MAGI3: variants seen among roughly 807,000 people sequenced by gnomAD.
MAGI3 encodes the protein membrane-associated guanylate kinase, WW and PDZ domain-containing protein 3.
Under a neutral mutation model 121.8 loss-of-function variants are expected in MAGI3, and 43 were observed. That is an observed-to-expected ratio of 0.35 (90% CI 0.28 to 0.46). MAGI3 has a LOEUF of 0.46. Among genes scored for constraint, MAGI3 ranks in the 20% least tolerant of loss-of-function variants. The pLI, the probability that MAGI3 is intolerant of heterozygous loss-of-function variation, is 1.00. For synonymous variants in MAGI3, 553 were observed against 639.3 expected (o/e 0.86, Z 2.04); for missense variants, 1,547 against 1,797.3 (o/e 0.86, Z 2.52).
intron 1 of MAGI3, among the ~76,000 whole-genome samples, chr1:113,539,813 G>T (rs1659195336): frequency 6.8e-6 from 1 of 146,054 alleles, no homozygotes; most frequent in African/African-American, 2.5e-5. Context: ...TTTTGAGATA[G>T]GATCTCATTC....
chr1:113,500,486 A>G lies in MAGI3; in HGVS notation c.317-49029A>G. On this transcript the variant is annotated intron_variant, in intron 1 of 20. Transcript: ENST00000307546. ...CTAGAAGAAATGGATACATTCCTCG[A>G]CACATACACTCTCCCAAGACTAAAA... is the stretch of plus-strand genomic sequence containing the variant. Among the ~76,000 whole-genome samples the G allele has an allele frequency of 5.7e-5, 2 of 35,312 alleles. 1 individual carries two copies. The highest frequency in any genetic ancestry group is 9.1e-5 in the Non-Finnish European group (2 of 21,990). The allele number at this position is 35,312 out of a possible 152,430, so 23.2% of individuals were successfully genotyped here.
At chr1:113,437,661 T>G (rs1254045519) in intron 1 of MAGI3, among the ~76,000 whole-genome samples, 2 of 152,012 alleles carry the variant, frequency 1.3e-5, no homozygotes, top group Non-Finnish European at 2.9e-5. Flanking sequence ...GTCCAAAAGC[T>G]TATAGAATTA....
intron 1 of MAGI3, among the ~76,000 whole-genome samples, chr1:113,531,031 A>T (rs977806308): frequency 4.6e-5 from 7 of 152,254 alleles, no homozygotes; most frequent in Admixed American, 4.6e-4. Flanking sequence ...CTAGAGACAT[A>T]AACTGTACTC....
intron 6 of MAGI3, among the ~76,000 whole-genome samples, chr1:113,602,932 T>TA (rs902856866): frequency 4.6e-5 from 7 of 150,560 alleles, no homozygotes; most frequent in African/African-American, 1.7e-4. Flanking sequence ...TCTCAAAAAA[T>TA]AAAAAAAATC....
intron 1 of MAGI3, among the ~76,000 whole-genome samples, chr1:113,456,334 A>C (rs1334302845): frequency 6.6e-6 from 1 of 152,110 alleles, no homozygotes; most frequent in Non-Finnish European, 1.5e-5. Context: ...CATAAAAAAC[A>C]ACCTAAGTTG....
chr1:113,515,842 C>G (rs1178255530), intron 1 of MAGI3, among the ~76,000 whole-genome samples: 1 of 152,066 alleles, frequency 6.6e-6, no homozygotes, highest in Admixed American at 6.6e-5. Flanking sequence ...ATCCGTGGTA[C>G]TGATTATTGA....
In MAGI3 at chr1:113,549,500, T is replaced by C. The variant is rs895555730; in HGVS notation, c.317-15T>C. 2 of 1,415,218 alleles carry C rather than the reference T, an allele frequency of 1.4e-6. No homozygotes were observed. Among genetic ancestry groups the C allele is most frequent in the Admixed American group, 4.2e-5 (2 of 47,456 alleles). The allele number at this position is 1,415,218 out of a possible 1,614,324, so 87.7% of individuals were successfully genotyped here. A position where few individuals can be genotyped will look rare whatever the true frequency, so the allele number is the denominator to read the frequency against. On this transcript the variant is annotated splice_polypyrimidine_tract_variant and intron_variant, in intron 1 of 20. Transcript: ENST00000307546. Reference sequence around the variant, plus strand: ...TGCATTTATTTTCTGTTTTTTTTTTTTGTCTTTGCTCCAGGCAAAGTCATT... The same window carrying C: ...TGCATTTATTTTCTGTTTTTTTTTTCTGTCTTTGCTCCAGGCAAAGTCATT...
intron 1 of MAGI3, among the ~76,000 whole-genome samples, chr1:113,531,147 T>C (rs756545187): frequency 6.6e-6 from 1 of 152,204 alleles, no homozygotes; most frequent in Non-Finnish European, 1.5e-5. Flanking sequence ...CACTTTCTTT[T>C]TTTTTAAGTT....
At chr1:113,637,748 C>G (rs1023560268) in intron 9 of MAGI3, among the ~76,000 whole-genome samples, 30 of 152,278 alleles carry the variant, frequency 2.0e-4, no homozygotes, top group Admixed American at 1.4e-3. Flanking sequence ...GTGGCATTCT[C>G]TGTATTTCCT....
intron 2 of MAGI3, among the ~76,000 whole-genome samples, chr1:113,554,735 G>T (rs1194567558): frequency 1.3e-5 from 2 of 151,986 alleles, no homozygotes; most frequent in Non-Finnish European, 2.9e-5. Flanking sequence ...AATAATAAGT[G>T]CACAGATCTA....
At chr1:113,427,505 G>A (rs1474630457) in intron 1 of MAGI3, among the ~76,000 whole-genome samples, 1 of 152,196 alleles carries the variant, frequency 6.6e-6, no homozygotes, top group Non-Finnish European at 1.5e-5. Context: ...GGAGGAATGA[G>A]CCTACCTGGA....
At chr1:113,495,833 A>G (rs1467083806) in intron 1 of MAGI3, among the ~76,000 whole-genome samples, 1 of 152,218 alleles carries the variant, frequency 6.6e-6, no homozygotes, top group African/African-American at 2.4e-5. Context: ...ACTATAGAAA[A>G]TATCACAGAA....
At chr1:113,437,839 CTTCTTCTTCTTCTTCTTCTTCTTCCTCTT>C (rs1653664902) in intron 1 of MAGI3, among the ~76,000 whole-genome samples, 9 of 47,860 alleles carry the variant, frequency 1.9e-4, no homozygotes, top group African/African-American at 4.2e-4. Context: ...TCTTCTTCTT[CTTCTTCTTCTTCTTCTTCTTCTTCCTCTT>C]CTTCTTCTTC....
At chr1:113,447,178 A>T (rs1654216376) in intron 1 of MAGI3, among the ~76,000 whole-genome samples, 1 of 152,226 alleles carries the variant, frequency 6.6e-6, no homozygotes, top group African/African-American at 2.4e-5. Flanking sequence ...CAACTATGAC[A>T]GTCTATTTTG....
At position 113,416,258 on chromosome 1, in the gene MAGI3, A is replaced by G. The variant is rs1652356644; in HGVS notation, c.316+24909A>G. On this transcript the variant is annotated intron_variant, in intron 1 of 20. Coordinates refer to ENST00000307546, the MANE Select transcript of MAGI3 (RefSeq NM_001142782.2). ...ATATTAATTATGTAATTAATTACAC[A>G]TATTAATTATGTAATTAATTACACA... 7.2e-5 allele frequency among the ~76,000 whole-genome samples: 10 copies of G among 138,638 alleles called. 2 individuals are homozygous for G. In the South Asian group the frequency reaches 2.3e-3, roughly 31 times the overall value. 91.0% of individuals were successfully genotyped at this position (138,638 alleles called of 152,430 possible).
intron 3 of MAGI3, among the ~76,000 whole-genome samples, chr1:113,583,035 A>T (rs1315995184): frequency 6.6e-6 from 1 of 151,770 alleles, no homozygotes; most frequent in African/African-American, 2.4e-5. Context: ...AATCTTTGTC[A>T]GTAACTATAG....
chr1:113,418,956 T>G (rs1427721315), intron 1 of MAGI3, among the ~76,000 whole-genome samples: 3 of 152,270 alleles, frequency 2.0e-5, no homozygotes, highest in Admixed American at 2.0e-4. Flanking sequence ...AACACTTATT[T>G]TTTTGCTACA....
In MAGI3 at chr1:113,433,424, C is replaced by T. The variant is rs191984439; in HGVS notation, c.316+42075C>T. Among the ~76,000 whole-genome samples, 7 of 152,304 alleles carry T rather than the reference C, an allele frequency of 4.6e-5. No homozygotes were observed. In the East Asian group the frequency reaches 1.4e-3, roughly 29 times the overall value. ...ATAAATTTGCTGGTGCAGGTCATAA[C>T]ATTTGAAGGGATTAACATTTGGTTT... On this transcript the variant is annotated intron_variant, in intron 1 of 20. Transcript: ENST00000307546.
intron 2 of MAGI3, among the ~76,000 whole-genome samples, chr1:113,567,750 A>T (rs1469590105): frequency 2.0e-5 from 3 of 149,922 alleles, no homozygotes; most frequent in Non-Finnish European, 4.4e-5. Context: ...AAAAGCTAAC[A>T]TTATGCTTAA....
Sources: allele counts gnomAD v4.1 joint callset (sites outside exome capture counted in the v4.1 genomes callset), GRCh38; gene constraint gnomAD v4.1.1; transcripts MANE v1.5; gene names NCBI Gene and HGNC (gene_info 2026-07-23, HGNC 2026-07-21).